Variants in PACSIN2 observed in about 807,000 individuals in gnomAD.
PACSIN2 encodes protein kinase C and casein kinase substrate in neurons 2, also known as protein kinase C and casein kinase substrate in neurons protein 2.
PACSIN2 carries 25 observed loss-of-function variants against 63.8 expected under a neutral mutation model. That is an observed-to-expected ratio of 0.39 (90% CI 0.29 to 0.55). The LOEUF (loss-of-function observed/expected upper bound fraction) is 0.55, where lower values mean the gene tolerates loss of function less well. PACSIN2 is among the 20% of genes least tolerant of loss of function. The pLI is 0.62. For missense variants in PACSIN2, 518 were observed against 646.9 expected (o/e 0.80, Z 2.16); for synonymous variants, 255 against 256.2 (o/e 1.00, Z 0.05).
chr22:42,919,899 T>C (rs549083607), intron 1 of PACSIN2, among the ~76,000 whole-genome samples: 1 of 151,076 alleles, frequency 6.6e-6, no homozygotes, highest in East Asian at 1.9e-4. Flanking sequence ...GGTGGATCAC[T>C]TGAGGCCACC....
At chr22:42,995,927 T>C (rs1328800232) in intron 1 of PACSIN2, among the ~76,000 whole-genome samples, 1 of 152,108 alleles carries the variant, frequency 6.6e-6, no homozygotes, top group Non-Finnish European at 1.5e-5. Context: ...ATTTAAAAAT[T>C]AGCCAGGTAT....
At position 42,876,850 on chromosome 22, in the gene PACSIN2, G is replaced by A. The variant is rs113606884; in HGVS notation, c.1151+38C>T. Reference sequence around the variant, plus strand: ...AGAGAGAGAGGAAGAGAGACAGAGTGAGCGCGGTGGGAGCAGAGGAAGCAT... The same window carrying A: ...AGAGAGAGAGGAAGAGAGACAGAGTAAGCGCGGTGGGAGCAGAGGAAGCAT... On this transcript the variant is annotated intron_variant, in intron 9 of 10. Coordinates refer to ENST00000263246, the MANE Select transcript of PACSIN2 (RefSeq NM_001184970.3). 6.4e-5 allele frequency: 104 copies of A among 1,613,474 alleles called. 1 individual carries two copies. The African/African-American group carries it at 1.1e-3, about 16-fold the overall frequency.
At chr22:42,876,091 C>G (rs771468214) in intron 10 of PACSIN2, 46 bp downstream of exon 10, 31 of 1,532,006 alleles carry the variant, frequency 2.0e-5, no homozygotes, top group Non-Finnish European at 2.8e-5. Flanking sequence ...CCACAGCCTG[C>G]AGGTTGGAAG....
At chr22:42,964,456 G>A (rs1340980541) in intron 1 of PACSIN2, among the ~76,000 whole-genome samples, 3 of 151,018 alleles carry the variant, frequency 2.0e-5, no homozygotes, top group African/African-American at 4.9e-5. Context: ...AAGTGATCAT[G>A]GGCACACAAT....
chr22:42,893,234 G>T (rs575071858), intron 3 of PACSIN2, among the ~76,000 whole-genome samples: 21 of 152,364 alleles, frequency 1.4e-4, no homozygotes, highest in Middle Eastern at 6.8e-3. Flanking sequence ...ATAGTCCTGT[G>T]TCCCCAAGGA....
At chr22:42,872,870 C>T (rs1602157524) in intron 10 of PACSIN2, among the ~76,000 whole-genome samples, 1 of 152,266 alleles carries the variant, frequency 6.6e-6, no homozygotes, top group South Asian at 2.1e-4. Flanking sequence ...GGCCACAGGG[C>T]AGCAGCCACG....
At chr22:42,934,277 C>T (rs186962536) in intron 1 of PACSIN2, among the ~76,000 whole-genome samples, 2 of 152,324 alleles carry the variant, frequency 1.3e-5, no homozygotes, top group Admixed American at 6.5e-5. Context: ...AACTGTGTGC[C>T]CAAATACCAG....
At chr22:42,974,827 A>G (rs1601594912) in intron 1 of PACSIN2, among the ~76,000 whole-genome samples, 2 of 151,986 alleles carry the variant, frequency 1.3e-5, no homozygotes, top group Non-Finnish European at 2.9e-5. Context: ...AAGAAGAAGA[A>G]GAAGAGGAGG....
At chr22:42,922,145 G>A (rs547151619) in intron 1 of PACSIN2, among the ~76,000 whole-genome samples, 24 of 152,218 alleles carry the variant, frequency 1.6e-4, no homozygotes, top group Admixed American at 6.5e-4. Flanking sequence ...ATGTATGTAA[G>A]TACAGTGAGT....
intron 4 of PACSIN2, 69 bp from the exon 5 acceptor site, chr22:42,888,867 GACC>G: frequency 6.6e-7 from 1 of 1,509,646 alleles, no homozygotes; most frequent in East Asian, 2.3e-5. Flanking sequence ...AAGTCACACA[GACC>G]ATGGGAATGC....
chr22:42,882,009 C>A (rs1929111969), intron 7 of PACSIN2, among the ~76,000 whole-genome samples, 175 bp downstream of exon 7: 1 of 152,200 alleles, frequency 6.6e-6, no homozygotes, highest in Non-Finnish European at 1.5e-5. Flanking sequence ...ATGCCTGCAG[C>A]CCCCCAGGAC....
chr22:42,875,185 C>G (rs985117015), intron 10 of PACSIN2, among the ~76,000 whole-genome samples: 1 of 151,038 alleles, frequency 6.6e-6, no homozygotes, highest in Non-Finnish European at 1.5e-5. Flanking sequence ...GGGTCTTGCT[C>G]TCTCTTCTAG....
At chr22:42,963,612 A>G (rs1028246521) in intron 1 of PACSIN2, among the ~76,000 whole-genome samples, 4 of 152,324 alleles carry the variant, frequency 2.6e-5, no homozygotes, top group Admixed American at 6.5e-5. Context: ...TTGAAACACT[A>G]TAAGATAGGT....
intron 2 of PACSIN2, among the ~76,000 whole-genome samples, chr22:42,902,017 A>G (rs545687602): frequency 6.6e-6 from 1 of 152,212 alleles, no homozygotes; most frequent in East Asian, 1.9e-4. Context: ...TCCATTTCTG[A>G]GCGTCTGGCA....
At chr22:42,875,311 C>G (rs755486426) in intron 10 of PACSIN2, among the ~76,000 whole-genome samples, 2 of 152,128 alleles carry the variant, frequency 1.3e-5, no homozygotes, top group African/African-American at 2.4e-5. Context: ...CCCAGCTAAT[C>G]TGCTACTTTT....
chr22:42,931,061 C>T (rs564293099), intron 1 of PACSIN2, among the ~76,000 whole-genome samples: 69 of 152,372 alleles, frequency 4.5e-4, no homozygotes, highest in African/African-American at 1.6e-3. Context: ...CTCATTCATT[C>T]GCTCAGTGTT....
At chr22:42,904,422 C>T (rs372153807) in intron 2 of PACSIN2, among the ~76,000 whole-genome samples, 1 of 152,342 alleles carries the variant, frequency 6.6e-6, no homozygotes, top group African/African-American at 2.4e-5. Context: ...TCCCTCACTC[C>T]TCAGGGAGGC....
intron 8 of PACSIN2, among the ~76,000 whole-genome samples, chr22:42,878,523 C>G (rs1928821436): frequency 6.6e-6 from 1 of 152,234 alleles, no homozygotes; most frequent in Non-Finnish European, 1.5e-5. Flanking sequence ...CTCTCATTTT[C>G]AGCCAATGAC....
At chr22:42,932,425 T>G (rs1932799764) in intron 1 of PACSIN2, among the ~76,000 whole-genome samples, 1 of 152,224 alleles carries the variant, frequency 6.6e-6, no homozygotes. Context: ...ACAGTCTGCT[T>G]TCCCCTCTAG....
Sources: allele counts gnomAD v4.1 joint callset (sites outside exome capture counted in the v4.1 genomes callset), GRCh38; gene constraint gnomAD v4.1.1; transcripts MANE v1.5; gene names NCBI Gene and HGNC (gene_info 2026-07-23, HGNC 2026-07-21).